Variants in ZYG11A observed in about 807,000 individuals in gnomAD.
ZYG11A encodes the protein protein zyg-11 homolog A.
In ZYG11A, 62 loss-of-function variants were observed where a neutral mutation model predicts 77.2. That is an observed-to-expected ratio of 0.80 (90% confidence interval 0.65 to 0.99). ZYG11A has a LOEUF of 0.99. Among genes scored for constraint, ZYG11A ranks in the 50% least tolerant of loss-of-function variants. ZYG11A has a pLI of 0.00. For synonymous variants in ZYG11A, 315 were observed against 324.6 expected (o/e 0.97, Z 0.32); for missense variants, 828 against 896.8 (o/e 0.92, Z 0.98).
At chr1:52,881,740 A>C (rs1293805971) in intron 11 of ZYG11A, 75 bp downstream of exon 11, 5 of 1,185,060 alleles carry the variant, frequency 4.2e-6, no homozygotes, top group Admixed American at 2.9e-5. Context: ...CCTAAATCAT[A>C]ATAATATGAT....
chr1:52,878,000 T>C, intron 10 of ZYG11A, 31 bp downstream of exon 10: 1 of 1,546,634 alleles, frequency 6.5e-7, no homozygotes, highest in Non-Finnish European at 8.7e-7. Context: ...TTAATTTTAA[T>C]TGCTTAAAAG....
chr1:52,852,842 G>A (rs772709647), intron 1 of ZYG11A, among the ~76,000 whole-genome samples: 1 of 152,118 alleles, frequency 6.6e-6, no homozygotes, highest in Admixed American at 6.6e-5. Context: ...GCCTACAGTC[G>A]AGGAAAATCA....
Position 52,857,081 on chromosome 1 carries a change from T to C in ZYG11A, c.340T>C (p.Ser114Pro). The change falls in exon 3 of 14, where the codon TCT becomes CCT. Residue 114 changes from serine (S) to proline (P), a missense_variant. Ser to Pro is a moderately conservative substitution (Grantham distance 74, BLOSUM62 -1). Coordinates refer to ENST00000371528, the MANE Select transcript of ZYG11A (RefSeq NM_001004339.3). ...KLVNIQKAKI[S>P]TAAFIKAFCR... is the part of the protein sequence containing the mutation. ...GGTCAATATCCAAAAAGCTAAAATC[T>C]CTACAGCTGCATTCATAAAAGCCTT... 1 of 1,551,562 alleles carries C rather than the reference T, an allele frequency of 6.4e-7. No homozygotes were observed. The highest frequency in any genetic ancestry group is 8.7e-7 in the Non-Finnish European group (1 of 1,146,928).
At position 52,857,096 on chromosome 1, in the gene ZYG11A, A is replaced by T. The variant is rs556122769; in HGVS notation, c.355A>T (p.Ile119Leu). Residue 119 changes from isoleucine (I) to leucine (L), a missense_variant, in exon 3 of 14, where the codon ATA becomes TTA. Transcript: ENST00000371528. ...AGCTAAAATCTCTACAGCTGCATTC[A>T]TAAAAGCCTTCTGCCGTCATAAGCT... ...QKAKISTAAF[I>L]KAFCRHKLIE... 2 of 1,551,820 alleles carry T rather than the reference A, an allele frequency of 1.3e-6. No individual in the cohort carries two copies. Among genetic ancestry groups the T allele is most frequent in the Admixed American group, 2.0e-5 (1 of 50,982 alleles).
In ZYG11A at chr1:52,864,127, G is replaced by A. The variant is rs555577748; in HGVS notation, c.1296G>A (p.Lys432=). ...CAGAGGTCACCTGTCTACTTTTCAA[G>A]GCTCTGAAAAATTTCCCCCATTACC... ...LLSEVTCLLF[K]ALKNFPHYQQ... Residue 432 remains lysine (K), a synonymous_variant, in exon 5 of 14, where the codon AAG becomes AAA. Transcript: ENST00000371528. 1.9e-6 allele frequency: 3 copies of A among 1,551,344 alleles called. No homozygotes were observed. Among genetic ancestry groups the A allele is most frequent in the African/African-American group, 2.7e-5 (2 of 73,152 alleles).
chr1:52,867,450 G>T, intron 6 of ZYG11A, 89 bp from the exon 7 acceptor site: 2 of 862,810 alleles, frequency 2.3e-6, no homozygotes, highest in South Asian at 3.1e-5. Context: ...TTTCATTATA[G>T]GATTACTTGG....
At chr1:52,851,327 G>A (rs1645706485) in intron 1 of ZYG11A, among the ~76,000 whole-genome samples, 2 of 152,242 alleles carry the variant, frequency 1.3e-5, no homozygotes, top group East Asian at 1.9e-4. Flanking sequence ...ACAGGTGTGA[G>A]CCACTGTGCC....
Position 52,894,621 on chromosome 1 carries a change from A to C in ZYG11A, c.*1664A>C, listed in dbSNP as rs1380251456. The C allele has an allele frequency of 6.6e-6, 1 of 152,186 alleles. No individual in the cohort carries two copies. The highest frequency in any genetic ancestry group is 1.5e-5 in the Non-Finnish European group (1 of 68,040). 9.4% of individuals were successfully genotyped at this position (152,186 alleles called of 1,614,324 possible). On this transcript the variant is annotated 3_prime_UTR_variant, in exon 14 of 14. Transcript: ENST00000371528. ...TTTGGCTGGCTTGGTTCAGATTCTT[A>C]ACTAGAGTACCATGTACTGTCTTTG...
At chr1:52,855,999 G>A (rs1645803345) in intron 2 of ZYG11A, among the ~76,000 whole-genome samples, 1 of 152,116 alleles carries the variant, frequency 6.6e-6, no homozygotes, top group Admixed American at 6.6e-5. Context: ...TGAAATTGCT[G>A]GATCAAATGG....
chr1:52,868,500 G>A (rs922128614), intron 8 of ZYG11A, among the ~76,000 whole-genome samples: 4 of 152,014 alleles, frequency 2.6e-5, no homozygotes, highest in African/African-American at 9.7e-5. Context: ...TATATCACTG[G>A]GCCGGGTGCT....
At position 52,864,143 on chromosome 1, in the gene ZYG11A, C is replaced by T. The variant is rs1294322920; in HGVS notation, c.1312C>T (p.Pro438Ser). 7 of 1,551,192 alleles carry T rather than the reference C, an allele frequency of 4.5e-6. No homozygotes were observed. The East Asian group carries it at 1.5e-4, about 32-fold the overall frequency. Reference sequence around the variant, plus strand: ...ACTTTTCAAGGCTCTGAAAAATTTCCCCCATTACCAGCAGGTAATTTCAAT... The same window carrying T: ...ACTTTTCAAGGCTCTGAAAAATTTCTCCCATTACCAGCAGGTAATTTCAAT... ...CLLFKALKNF[P>S]HYQQLQKNCL... Residue 438 changes from proline (P) to serine (S), a missense_variant, in exon 5 of 14, where the codon CCC becomes TCC. Pro to Ser is a moderately conservative substitution (Grantham distance 74, BLOSUM62 -1). Coordinates refer to ENST00000371528, the MANE Select transcript of ZYG11A (RefSeq NM_001004339.3).
At chr1:52,852,332 C>G (rs116773467) in intron 1 of ZYG11A, among the ~76,000 whole-genome samples, 2 of 151,680 alleles carry the variant, frequency 1.3e-5, no homozygotes, top group African/African-American at 4.8e-5. Flanking sequence ...CAGGAGTGAG[C>G]CTCTGCACCT....
Position 52,857,385 on chromosome 1 carries a change from C to T in ZYG11A, c.644C>T (p.Thr215Ile), listed in dbSNP as rs1301845430. ...PRLESLDISN[T>I]LVTDISALLT... The stretch of plus-strand genomic sequence containing the variant: ...CTGGAAAGCTTAGATATCTCTAATA[C>T]TCTAGTCACTGATATTTCTGCACTG... Residue 215 changes from threonine (T) to isoleucine (I), a missense_variant, in exon 3 of 14, where the codon ACT becomes ATT. Transcript: ENST00000371528. The T allele has an allele frequency of 3.9e-6, 6 of 1,551,828 alleles. No homozygotes were observed. The highest frequency in any genetic ancestry group is 2.4e-5 in the East Asian group (1 of 40,934).
rs386366962 is a variant in ZYG11A, at chr1:52,886,699, AT to A, written c.2007-229del. 8.2e-3 allele frequency among the ~76,000 whole-genome samples: 566 copies of A among 69,034 alleles called. 1 individual carries two copies. Among genetic ancestry groups the A allele is most frequent in the African/African-American group, 0.03 (459 of 15,450 alleles). The allele number at this position is 69,034 out of a possible 152,430, so 45.3% of individuals were successfully genotyped here. ...AGGCGTGTGCCACCAGGCCCAGCTA[AT>A]TTTTTTTTTTTTTTTTTTTTTTTTT... On this transcript the variant is annotated intron_variant, in intron 12 of 13. Coordinates refer to ENST00000371528, the MANE Select transcript of ZYG11A (RefSeq NM_001004339.3).
intron 8 of ZYG11A, among the ~76,000 whole-genome samples, chr1:52,875,185 G>A (rs1465229716): frequency 7.2e-5 from 11 of 152,170 alleles, no homozygotes; most frequent in Admixed American, 2.0e-4. Flanking sequence ...GTTGAGTGAC[G>A]TGAGGACAGA....
intron 8 of ZYG11A, among the ~76,000 whole-genome samples, chr1:52,877,134 G>A (rs961442952): frequency 2.0e-5 from 3 of 151,810 alleles, no homozygotes; most frequent in African/African-American, 7.3e-5. Flanking sequence ...TCTCCCCCCA[G>A]CCCCGTTCCT....
chr1:52,869,491 C>G (rs1314878452), intron 8 of ZYG11A, among the ~76,000 whole-genome samples: 1 of 151,726 alleles, frequency 6.6e-6, no homozygotes, highest in Non-Finnish European at 1.5e-5. Context: ...CAAAGCACAT[C>G]TTGCACCGCC....
chr1:52,843,050 G>T (rs1004229736), intron 1 of ZYG11A, 77 bp downstream of exon 1: 17 of 1,308,328 alleles, frequency 1.3e-5, no homozygotes, highest in Non-Finnish European at 1.7e-5. Context: ...AGTCTCCTGG[G>T]ACGCTGCCGA....
chr1:52,862,101 C>T (rs1211618583), intron 4 of ZYG11A, among the ~76,000 whole-genome samples: 1 of 150,634 alleles, frequency 6.6e-6, no homozygotes, highest in Non-Finnish European at 1.5e-5. Context: ...CCCAGCTACT[C>T]AGGAGGCTGA....
Sources: allele counts gnomAD v4.1 joint callset (sites outside exome capture counted in the v4.1 genomes callset), GRCh38; gene constraint gnomAD v4.1.1; transcripts MANE v1.5; gene names NCBI Gene and HGNC (gene_info 2026-07-23, HGNC 2026-07-21).